Variants in HNRNPU observed in about 807,000 individuals in gnomAD.
HNRNPU encodes the protein heterogeneous nuclear ribonucleoprotein U, also known as HNRNPU antisense RNA 1.
Under a neutral mutation model 94.7 loss-of-function variants are expected in HNRNPU, and 5 were observed. The observed-to-expected ratio is 0.05, with a 90% confidence interval of 0.03 to 0.11. The LOEUF (loss-of-function observed/expected upper bound fraction) is 0.11, where lower values mean the gene tolerates loss of function less well. Ranked by LOEUF, HNRNPU falls within the 10% of genes least tolerant of loss-of-function variation. The pLI, the probability that HNRNPU is intolerant of heterozygous loss-of-function variation, is 1.00. For missense variants in HNRNPU, 710 were observed against 1,049.2 expected (o/e 0.68, Z 4.47); for synonymous variants, 434 against 381.6 (o/e 1.14, Z -1.60).
chr1:244,857,905 GCA>G, intron 7 of HNRNPU, 104 bp downstream of exon 7: 1 of 1,331,472 alleles, frequency 7.5e-7, no homozygotes, highest in Non-Finnish European at 1.0e-6. Flanking sequence ...AATATGCACA[GCA>G]CAAAGTAAAT....
At chr1:244,861,417 A>G (rs1012205979) in intron 3 of HNRNPU, 1 of 152,292 alleles carries the variant, frequency 6.6e-6, no homozygotes, top group Non-Finnish European at 1.5e-5. Context: ...TTATTTATAC[A>G]ACCCAGAATT....
intron 3 of HNRNPU, chr1:244,861,128 TG>T (rs1480368495): frequency 6.6e-6 from 1 of 152,226 alleles, no homozygotes; most frequent in Non-Finnish European, 1.5e-5. Context: ...CAGCTACCTA[TG>T]GGTCACTGGC....
rs141976695 is a variant in HNRNPU, at chr1:244,856,358, G to C, written c.1912+99C>G. On this transcript the variant is annotated intron_variant, in intron 10 of 13. Transcript: ENST00000640218. ...AAATGTTAACTTTCAGGAGGCCTAA[G>C]TCCTAATAGATTTAACATAGTTACA... 876 of 1,328,514 alleles carry C rather than the reference G, an allele frequency of 6.6e-4. 8 individuals are homozygous for C. The East Asian group carries it at 0.019, about 29-fold the overall frequency. The allele number at this position is 1,328,514 out of a possible 1,614,324, so 82.3% of individuals were successfully genotyped here.
chr1:244,860,327 G>A lies in HNRNPU; in HGVS notation c.1017+8C>T, dbSNP rs1553283026. The A allele has an allele frequency of 6.2e-7, 1 of 1,606,222 alleles. No individual in the cohort carries two copies. Among genetic ancestry groups the A allele is most frequent in the Admixed American group, 1.7e-5 (1 of 58,330 alleles). On this transcript the variant is annotated splice_region_variant and intron_variant, in intron 4 of 13. Coordinates refer to ENST00000640218, the MANE Select transcript of HNRNPU (RefSeq NM_031844.3). ...AAACAAACAAACAAATCATAAAATT[G>A]CATTTACCTTCATCTCAAAACACAC...
rs2102983007 is a variant in HNRNPU, at chr1:244,852,180, A to AT, written c.*2269dup. On this transcript the variant is annotated 3_prime_UTR_variant, in exon 14 of 14. Coordinates refer to ENST00000640218, the MANE Select transcript of HNRNPU (RefSeq NM_031844.3). ...TTTCTCCCTGTTGCTTATTTGGTAC[A>AT]TTCCCTTCTCTGAATTCCTTAAACA... The AT allele has an allele frequency of 6.6e-6, 1 of 152,310 alleles. No homozygotes were observed. The highest frequency in any genetic ancestry group is 2.4e-5 in the African/African-American group (1 of 41,570). 9.4% of individuals were successfully genotyped at this position (152,310 alleles called of 1,614,324 possible). A position where few individuals can be genotyped will look rare whatever the true frequency, so the allele number is the denominator to read the frequency against.
Position 244,851,933 on chromosome 1 carries a change from C to T in HNRNPU, c.*2517G>A, listed in dbSNP as rs1473933182. The T allele has an allele frequency of 6.6e-6, 1 of 152,154 alleles. No individual in the cohort carries two copies. The highest frequency in any genetic ancestry group is 2.4e-5 in the African/African-American group (1 of 41,422). The allele number at this position is 152,154 out of a possible 1,614,324, so 9.4% of individuals were successfully genotyped here. ...ACTACTGCAGCTGACCAATCCAAAG[C>T]CAGTTTACACTCAGCATGTGTTATT... On this transcript the variant is annotated 3_prime_UTR_variant, in exon 14 of 14. Transcript: ENST00000640218.
At chr1:244,856,300 C>CA (rs1485839770) in intron 10 of HNRNPU, 142 bp from the exon 11 acceptor site, 11 of 1,138,970 alleles carry the variant, frequency 9.7e-6, no homozygotes, top group Middle Eastern at 2.7e-4. Context: ...GTAACAACTG[C>CA]AATTTTAATT....
At position 244,856,094 on chromosome 1, in the gene HNRNPU, C is replaced by T. The variant is rs1347589691; in HGVS notation, c.1977G>A (p.Lys659=). 2 of 1,613,962 alleles carry T rather than the reference C, an allele frequency of 1.2e-6. No homozygotes were observed. The highest frequency in any genetic ancestry group is 1.1e-5 in the South Asian group (1 of 91,076). ...GCTCCAAGAGTTTTTGGGCTTCTTC[C>T]TTCTGAAGTTCAACATAGGTTATTT... The part of the protein sequence containing the change: ...FDEITYVELQ[K]EEAQKLLEQY... The change falls in exon 11 of 14, where the codon AAG becomes AAA. Residue 659 remains lysine, a synonymous_variant. Coordinates refer to ENST00000640218, the MANE Select transcript of HNRNPU (RefSeq NM_031844.3).
chr1:244,862,937 C>A (rs770213909), intron 1 of HNRNPU: 5 of 589,684 alleles, frequency 8.5e-6, no homozygotes, highest in South Asian at 2.1e-5. Flanking sequence ...TTTTGCCAGT[C>A]TCCTCGATGA....
intron 1 of HNRNPU, chr1:244,862,980 A>C: frequency 1.9e-6 from 1 of 531,240 alleles, no homozygotes; most frequent in Non-Finnish European, 3.4e-6. Context: ...TGCGCGGCCC[A>C]GGCCCGAAGC....
intron 1 of HNRNPU, chr1:244,863,040 C>G (rs1017493687): frequency 1.2e-5 from 4 of 324,116 alleles, no homozygotes; most frequent in South Asian, 4.2e-5. Context: ...CCGAGCCCGG[C>G]GCGGCGGCGC....
At position 244,863,653 on chromosome 1, in the gene HNRNPU, C is replaced by T; in HGVS notation, c.655G>A (p.Gly219Ser). 6.4e-7 allele frequency: 1 copy of T among 1,553,470 alleles called. No homozygotes were observed. ...GCCCCGGGGCGACCGCCGCCTCCGC[C>T]GCCTTCCGCCTTCTTCTTACCTCCC... ...QAGGKKKAEG[G>S]GGGGRPGAPA... The change falls in exon 1 of 14, where the codon GGC becomes AGC. Residue 219 changes from glycine to serine, a missense_variant. Transcript: ENST00000640218.
chr1:244,855,696 C>T, intron 11 of HNRNPU, 88 bp from the exon 12 acceptor site: 2 of 1,425,520 alleles, frequency 1.4e-6, no homozygotes, highest in Non-Finnish European at 1.9e-6. Flanking sequence ...GTTCCTTTTT[C>T]TCCAAAAATA....
chr1:244,858,313 T>C (rs750647464), intron 6 of HNRNPU, 39 bp from the exon 7 acceptor site: 26 of 1,567,626 alleles, frequency 1.7e-5, no homozygotes, highest in Non-Finnish European at 2.2e-5. Flanking sequence ...AAAATCTGCT[T>C]CCTTAAACTT....
Position 244,864,015 on chromosome 1 carries a change from G to A in HNRNPU, c.293C>T (p.Ala98Val). Residue 98 changes from alanine to valine, a missense_variant, in exon 1 of 14, where the codon GCT (alanine) becomes GTT (valine). Physicochemically the swap from Ala to Val is moderately conservative, Grantham distance 64. Transcript: ENST00000640218. ...EEEEEEEGIS[A>V]LDGDQMELGE... ...TAGCTCCATCTGGTCGCCGTCCAGAGCGGAGATTCCTTCCTCCTCCTCTTC... is the reference window on the plus strand; with the variant it reads ...TAGCTCCATCTGGTCGCCGTCCAGAACGGAGATTCCTTCCTCCTCCTCTTC... 6.2e-7 allele frequency: 1 copy of A among 1,613,194 alleles called. No homozygotes were observed. The highest frequency in any genetic ancestry group is 8.5e-7 in the Non-Finnish European group (1 of 1,179,722).
At position 244,856,527 on chromosome 1, in the gene HNRNPU, C is replaced by T. The variant is rs1184744249; in HGVS notation, c.1842G>A (p.Lys614=). Residue 614 remains lysine (K), a synonymous_variant, in exon 10 of 14, where the codon AAG becomes AAA. Coordinates refer to ENST00000640218, the MANE Select transcript of HNRNPU (RefSeq NM_031844.3). Reference sequence around the variant, plus strand: ...CTTCTGCTTTCTTCTGTGTTCTTTGCTTATAGTCTTCATCTTTTGGGCAAA... The same window carrying T: ...CTTCTGCTTTCTTCTGTGTTCTTTGTTTATAGTCTTCATCTTTTGGGCAAA... ...VVVCPKDEDY[K]QRTQKKAEVE... The T allele has an allele frequency of 6.2e-7, 1 of 1,614,010 alleles. No individual in the cohort carries two copies. The highest frequency in any genetic ancestry group is 8.5e-7 in the Non-Finnish European group (1 of 1,179,962).
In HNRNPU at chr1:244,852,426, G is replaced by T. The variant is rs1209056641; in HGVS notation, c.*2024C>A. ...CTTAATAAGCAATTTTAAACTAGAA[G>T]ATATATCCAAAACTTTTTAAAGGCA... On this transcript the variant is annotated 3_prime_UTR_variant, in exon 14 of 14. Coordinates refer to ENST00000640218, the MANE Select transcript of HNRNPU (RefSeq NM_031844.3). The T allele has an allele frequency of 6.6e-6, 1 of 152,070 alleles. No homozygotes were observed. Among genetic ancestry groups the T allele is most frequent in the East Asian group, 1.9e-4 (1 of 5,200 alleles). The allele number at this position is 152,070 out of a possible 1,614,324, so 9.4% of individuals were successfully genotyped here.
intron 6 of HNRNPU, 51 bp from the exon 7 acceptor site, chr1:244,858,325 C>T (rs767399481): frequency 6.6e-7 from 1 of 1,513,778 alleles, no homozygotes; most frequent in South Asian, 1.2e-5. Flanking sequence ...CTTAAACTTT[C>T]TAAAAAACTA....
In HNRNPU at chr1:244,857,902, A is replaced by G. The variant is rs1203641292; in HGVS notation, c.1494+109T>C. On this transcript the variant is annotated intron_variant, in intron 7 of 13. Coordinates refer to ENST00000640218, the MANE Select transcript of HNRNPU (RefSeq NM_031844.3). The stretch of plus-strand genomic sequence containing the variant: ...AAACAATTACTTAAGAGCAATATGC[A>G]CAGCACAAAGTAAATGAAACAGACT... 8 of 1,323,594 alleles carry G rather than the reference A, an allele frequency of 6.0e-6. No individual in the cohort carries two copies. The Admixed American group carries it at 1.9e-4, about 31-fold the overall frequency. The allele number at this position is 1,323,594 out of a possible 1,614,324, so 82.0% of individuals were successfully genotyped here.
Sources: allele counts gnomAD v4.1 joint callset, GRCh38; gene constraint gnomAD v4.1.1; transcripts MANE v1.5; gene names NCBI Gene and HGNC (gene_info 2026-07-23, HGNC 2026-07-21).